The following RAPGEF2 variants were observed in gnomAD, a reference collection of about 807,000 sequenced individuals.
The protein encoded by RAPGEF2 is PDZ domain containing guanine nucleotide exchange factor (GEF) 1.
RAPGEF2 carries 54 observed loss-of-function variants against 186.7 expected under a neutral mutation model. The ratio of observed to expected loss-of-function variants is 0.29; its 90% CI spans 0.23 to 0.36. The LOEUF (loss-of-function observed/expected upper bound fraction) is 0.36. Among genes scored for constraint, RAPGEF2 ranks in the 10% least tolerant of loss-of-function variants. The pLI, the probability that RAPGEF2 is intolerant of heterozygous loss-of-function variation, is 1.00. For missense variants in RAPGEF2, 1,532 were observed against 2,045.0 expected (o/e 0.75, Z 4.84); for synonymous variants, 712 against 705.9 (o/e 1.01, Z -0.14).
chr4:159,329,395 T>C (rs912876404), intron 11 of RAPGEF2: 5 of 152,252 alleles, frequency 3.3e-5, no homozygotes, highest in African/African-American at 9.6e-5. Context: ...ATTAGCAAAT[T>C]AATATATCTA....
intron 4 of RAPGEF2, among the ~76,000 whole-genome samples, chr4:159,212,619 T>A (rs915532341): frequency 1.3e-5 from 2 of 152,220 alleles, no homozygotes; most frequent in Non-Finnish European, 2.9e-5. Context: ...TTTATAACTT[T>A]TAGTGCCTAT....
intron 2 of RAPGEF2, among the ~76,000 whole-genome samples, chr4:159,187,688 A>G (rs183460526): frequency 6.6e-6 from 1 of 152,318 alleles, no homozygotes; most frequent in East Asian, 1.9e-4. Flanking sequence ...TCTGGGCTTC[A>G]TATTAAAGAA....
intron 11 of RAPGEF2, among the ~76,000 whole-genome samples, chr4:159,325,726 T>C (rs1480324189): frequency 2.0e-5 from 3 of 152,164 alleles, no homozygotes; most frequent in African/African-American, 4.8e-5. Flanking sequence ...GGATAATTGA[T>C]TGAAATATTA....
intron 20 of RAPGEF2, among the ~76,000 whole-genome samples, chr4:159,342,565 T>A (rs1729661462): frequency 7.6e-6 from 1 of 131,616 alleles, no homozygotes; most frequent in African/African-American, 2.9e-5. Context: ...TATTTTATTT[T>A]ATTTTATTTT....
At chr4:159,307,176 CT>C (rs1295712176) in intron 8 of RAPGEF2, among the ~76,000 whole-genome samples, 2 of 152,098 alleles carry the variant, frequency 1.3e-5, no homozygotes, top group Middle Eastern at 3.4e-3. Context: ...GTAAAAATAA[CT>C]TTCTTTAGAG....
Position 159,356,129 on chromosome 4 carries a change from A to G in RAPGEF2, c.4928A>G (p.Gln1643Arg), listed in dbSNP as rs1458911711. The stretch of plus-strand genomic sequence containing the variant: ...TCTGACCCGCGCCTCGCCCCCTATC[A>G]GTCCCAAGGGTTTTCCACCGAGGAG... The part of the protein sequence containing the change: ...NESDPRLAPY[Q>R]SQGFSTEEDE... Residue 1643 changes from glutamine (Q) to arginine (R), a missense_variant, in exon 29 of 30, where the codon CAG becomes CGG. This residue lies in a region of RAPGEF2 where 594 missense variants were observed against 608.5 expected (regional missense o/e 0.98). Transcript: ENST00000691494. 2 of 1,614,170 alleles carry G rather than the reference A, an allele frequency of 1.2e-6. No individual in the cohort carries two copies. Among genetic ancestry groups the G allele is most frequent in the Non-Finnish European group, 1.7e-6 (2 of 1,180,010 alleles).
At chr4:159,254,114 GATATA>G (rs1186751131) in intron 7 of RAPGEF2, among the ~76,000 whole-genome samples, 1 of 152,158 alleles carries the variant, frequency 6.6e-6, no homozygotes, top group African/African-American at 2.4e-5. Flanking sequence ...AATGGGTGGA[GATATA>G]ATGTAATTAA....
intron 11 of RAPGEF2, among the ~76,000 whole-genome samples, chr4:159,325,867 T>G (rs1765857096): frequency 6.6e-6 from 1 of 152,136 alleles, no homozygotes; most frequent in Non-Finnish European, 1.5e-5. Context: ...ATTTACAAAG[T>G]GAGGGATTAG....
chr4:159,266,638 G>C (rs910096792), intron 7 of RAPGEF2, among the ~76,000 whole-genome samples: 1 of 151,988 alleles, frequency 6.6e-6, no homozygotes, highest in Non-Finnish European at 1.5e-5. Context: ...ATGTGCATCT[G>C]TGTGTGTGTA....
intron 1 of RAPGEF2, among the ~76,000 whole-genome samples, chr4:159,116,918 G>C (rs1310690342): frequency 6.6e-6 from 1 of 152,154 alleles, no homozygotes; most frequent in Non-Finnish European, 1.5e-5. Flanking sequence ...AACAGCTAAT[G>C]CATGCTGGGC....
intron 1 of RAPGEF2, among the ~76,000 whole-genome samples, chr4:159,163,353 G>A (rs950624680): frequency 2.2e-4 from 34 of 152,196 alleles, no homozygotes; most frequent in Non-Finnish European, 5.9e-5. Flanking sequence ...TTATTGTGAG[G>A]TATAAATGTT....
intron 1 of RAPGEF2, among the ~76,000 whole-genome samples, chr4:159,149,880 G>A (rs1180532949): frequency 6.6e-6 from 1 of 152,164 alleles, no homozygotes; most frequent in Non-Finnish European, 1.5e-5. Context: ...ATAAACAGAT[G>A]TGATGTTGAA....
chr4:159,344,031 T>TA lies in RAPGEF2; in HGVS notation c.3255-4dup, dbSNP rs1729923966. On this transcript the variant is annotated splice_region_variant and splice_polypyrimidine_tract_variant and intron_variant, in intron 22 of 29. Transcript: ENST00000691494. ...TGCTTCAATCTCCATGGCTCTCACT[T>TA]ACAGGAAGAAGAAATGGCGGAGTTT... The TA allele has an allele frequency of 1.3e-6, 2 of 1,533,762 alleles. No individual in the cohort carries two copies. The highest frequency in any genetic ancestry group is 3.3e-5 in the Admixed American group (2 of 59,884).
chr4:159,352,766 T>G lies in RAPGEF2; in HGVS notation c.3947T>G (p.Val1316Gly). The change falls in exon 27 of 30, where the codon GTT becomes GGT. Residue 1316 changes from valine (V) to glycine (G), a missense_variant. This residue lies in a region of RAPGEF2 where 594 missense variants were observed against 608.5 expected (regional missense o/e 0.98). Transcript: ENST00000691494. ...GAAATTTCTTCACGATCCAGTATTG[T>G]TAGCAATTCGTCTTTTGACTCAGTG... ...HSEISSRSSI[V>G]SNSSFDSVPV... is the part of the protein sequence containing the mutation. 1 of 1,614,238 alleles carries G rather than the reference T, an allele frequency of 6.2e-7. No individual in the cohort carries two copies. Among genetic ancestry groups the G allele is most frequent in the Non-Finnish European group, 8.5e-7 (1 of 1,180,032 alleles).
chr4:159,242,723 AAG>A (rs1754159223), intron 6 of RAPGEF2, among the ~76,000 whole-genome samples: 1 of 151,600 alleles, frequency 6.6e-6, no homozygotes, highest in African/African-American at 2.4e-5. Context: ...GTCCATAAAA[AAG>A]GTAATGTTTT....
At chr4:159,352,948 T>G (rs781015873) in intron 27 of RAPGEF2, 38 bp downstream of exon 27, 1 of 1,507,176 alleles carries the variant, frequency 6.6e-7, no homozygotes, top group African/African-American at 1.4e-5. Context: ...GAATTTATCC[T>G]TCCATCTCTG....
At chr4:159,104,973 C>T (rs1201693507) in intron 1 of RAPGEF2, among the ~76,000 whole-genome samples, 1 of 152,308 alleles carries the variant, frequency 6.6e-6, no homozygotes, top group South Asian at 2.1e-4. Flanking sequence ...GGGCACCCTG[C>T]GGATTCTTTT....
intron 7 of RAPGEF2, among the ~76,000 whole-genome samples, chr4:159,281,010 G>A (rs1442296411): frequency 6.7e-6 from 1 of 148,782 alleles, no homozygotes; most frequent in East Asian, 2.0e-4. Context: ...TTCCTGAGAC[G>A]GAGTCTCGGT....
intron 26 of RAPGEF2, chr4:159,351,321 A>T: frequency 1.1e-6 from 1 of 895,150 alleles, no homozygotes; most frequent in East Asian, 2.7e-5. Context: ...TTTTAAGCAG[A>T]CTGTTCAGGG....
Sources: gnomAD v4.1 joint callset for allele counts (sites outside exome capture counted in the v4.1 genomes callset) on GRCh38, gnomAD v4.1.1 for gene constraint, gnomAD v4.1.1 regional missense constraint, MANE v1.5 for transcripts, NCBI Gene and HGNC (gene_info 2026-07-23, HGNC 2026-07-21) for gene names.